Variants in C8orf34 observed in about 807,000 individuals in gnomAD.
C8orf34 encodes uncharacterized protein C8orf34.
C8orf34 carries 65 observed loss-of-function variants against 68.3 expected under a neutral mutation model. The observed-to-expected ratio is 0.95, with a 90% CI of 0.78 to 1.17. C8orf34 has a LOEUF of 1.17. Among genes scored for constraint, C8orf34 ranks in the 50% most tolerant of loss-of-function variants. C8orf34 has a pLI of 0.00. For synonymous variants in C8orf34, 244 were observed against 241.2 expected (o/e 1.01, Z -0.11); for missense variants, 664 against 655.4 (o/e 1.01, Z -0.14).
At chr8:68,718,450 TC>T (rs769180058) in intron 9 of C8orf34, among the ~76,000 whole-genome samples, 4 of 152,206 alleles carry the variant, frequency 2.6e-5, no homozygotes, top group Non-Finnish European at 5.9e-5. Context: ...TAAGCTCCTT[TC>T]TTGAAATGCC....
At chr8:68,380,061 C>T (rs1018309283) in intron 1 of C8orf34, among the ~76,000 whole-genome samples, 17 of 152,220 alleles carry the variant, frequency 1.1e-4, no homozygotes, top group African/African-American at 2.6e-4. Flanking sequence ...AGGATCTCCC[C>T]GTGTTGCCCA....
At chr8:68,461,530 G>A (rs1433333930) in intron 3 of C8orf34, among the ~76,000 whole-genome samples, 1 of 152,130 alleles carries the variant, frequency 6.6e-6, no homozygotes, top group African/African-American at 2.4e-5. Context: ...AATGTTAAGG[G>A]CAGCCAGAGA....
At chr8:68,601,149 C>T (rs1817686546) in intron 7 of C8orf34, among the ~76,000 whole-genome samples, 1 of 152,068 alleles carries the variant, frequency 6.6e-6, no homozygotes, top group African/African-American at 2.4e-5. Context: ...AAATCATGCG[C>T]TGTTTCTTCC....
chr8:68,714,292 G>C (rs145453862), intron 9 of C8orf34, among the ~76,000 whole-genome samples: 2 of 152,106 alleles, frequency 1.3e-5, no homozygotes, highest in Admixed American at 6.6e-5. Flanking sequence ...AGCCAGAGCA[G>C]TCTGACAAGA....
At chr8:68,354,635 T>C (rs955514718) in intron 1 of C8orf34, among the ~76,000 whole-genome samples, 1 of 152,192 alleles carries the variant, frequency 6.6e-6, no homozygotes, top group Non-Finnish European at 1.5e-5. Flanking sequence ...TAAGTAGGGC[T>C]TCTCTTTCTA....
At chr8:68,452,200 T>G (rs1396327804) in intron 3 of C8orf34, among the ~76,000 whole-genome samples, 2 of 151,304 alleles carry the variant, frequency 1.3e-5, no homozygotes, top group Non-Finnish European at 3.0e-5. Context: ...GCATTTTTAT[T>G]ACCTTTTTCA....
intron 7 of C8orf34, among the ~76,000 whole-genome samples, chr8:68,602,461 G>A (rs146503875): frequency 6.6e-6 from 1 of 152,254 alleles, no homozygotes; most frequent in Non-Finnish European, 1.5e-5. Flanking sequence ...TGAGAGCTGA[G>A]TGAAGGGGGA....
At chr8:68,503,573 G>T (rs182721017) in intron 5 of C8orf34, among the ~76,000 whole-genome samples, 49 of 152,214 alleles carry the variant, frequency 3.2e-4, no homozygotes, top group Admixed American at 2.9e-3. Flanking sequence ...GAAAGAAGGG[G>T]AGAAGAGAGA....
At chr8:68,664,265 T>G (rs1389399514) in intron 8 of C8orf34, among the ~76,000 whole-genome samples, 3 of 152,202 alleles carry the variant, frequency 2.0e-5, no homozygotes, top group Non-Finnish European at 2.9e-5. Context: ...CATCCTTGCC[T>G]TAAAGTTAAA....
At chr8:68,563,557 T>C (rs1816496439) in intron 7 of C8orf34, among the ~76,000 whole-genome samples, 1 of 151,950 alleles carries the variant, frequency 6.6e-6, no homozygotes, top group South Asian at 2.1e-4. Context: ...CAGATCCCAG[T>C]GCTACAAAGG....
intron 7 of C8orf34, among the ~76,000 whole-genome samples, chr8:68,624,568 A>G (rs1216867314): frequency 6.6e-6 from 1 of 152,146 alleles, no homozygotes; most frequent in Non-Finnish European, 1.5e-5. Context: ...CTTATCTATA[A>G]TATGCCTTAT....
At chr8:68,529,083 T>C (rs1425416732) in intron 6 of C8orf34, among the ~76,000 whole-genome samples, 1 of 152,212 alleles carries the variant, frequency 6.6e-6, no homozygotes, top group Non-Finnish European at 1.5e-5. Flanking sequence ...GAAAGTACGA[T>C]GGAACTTCTC....
At chr8:68,517,251 TTAATCAAATATAAATAATA>T (rs1814559100) in intron 5 of C8orf34, among the ~76,000 whole-genome samples, 1 of 152,162 alleles carries the variant, frequency 6.6e-6, no homozygotes, top group Non-Finnish European at 1.5e-5. Flanking sequence ...TTTACTTAGC[TTAATCAAATATAAATAATA>T]TAACCAAAAC....
intron 7 of C8orf34, among the ~76,000 whole-genome samples, chr8:68,637,126 G>A (rs1377559072): frequency 6.6e-6 from 1 of 152,176 alleles, no homozygotes; most frequent in East Asian, 1.9e-4. Context: ...CATGACTAGT[G>A]AAAAGAAAAT....
intron 10 of C8orf34, among the ~76,000 whole-genome samples, chr8:68,775,661 T>G (rs1435618264): frequency 6.6e-6 from 1 of 152,220 alleles, no homozygotes; most frequent in Non-Finnish European, 1.5e-5. Context: ...ATGTTTTAGA[T>G]CGTCACACAA....
chr8:68,458,449 T>TA (rs1444389377), intron 3 of C8orf34, among the ~76,000 whole-genome samples: 324 of 151,864 alleles, frequency 2.1e-3, no homozygotes, highest in African/African-American at 7.0e-3. Context: ...GACTAGAATT[T>TA]AAAAAAAACC....
At chr8:68,620,751 G>A (rs993677308) in intron 7 of C8orf34, among the ~76,000 whole-genome samples, 5 of 149,602 alleles carry the variant, frequency 3.3e-5, no homozygotes, top group African/African-American at 1.2e-4. Flanking sequence ...AACTGTAGAT[G>A]GCAGATATAA....
At chr8:68,684,815 C>T (rs1345656225) in intron 8 of C8orf34, among the ~76,000 whole-genome samples, 2 of 151,708 alleles carry the variant, frequency 1.3e-5, no homozygotes, top group Non-Finnish European at 2.9e-5. Flanking sequence ...TAAAATTTCC[C>T]TTTTTGGTTT....
chr8:68,344,855 G>A (rs987319972), intron 1 of C8orf34, among the ~76,000 whole-genome samples: 1 of 152,012 alleles, frequency 6.6e-6, no homozygotes. Flanking sequence ...AGTAACATGG[G>A]TAGTGATCTG....
Sources: gnomAD v4.1 joint callset for allele counts (sites outside exome capture counted in the v4.1 genomes callset) on GRCh38, gnomAD v4.1.1 for gene constraint, MANE v1.5 for transcripts, NCBI Gene and HGNC (gene_info 2026-07-23, HGNC 2026-07-21) for gene names.